The following EFR3A variants were observed in gnomAD, a reference collection of about 807,000 sequenced individuals.
EFR3A encodes protein EFR3 homolog A.
In EFR3A, 76 loss-of-function variants were observed where a neutral mutation model predicts 104.4. The ratio of observed to expected loss-of-function variants is 0.73; its 90% CI spans 0.60 to 0.88. The LOEUF (loss-of-function observed/expected upper bound fraction) is 0.88. Ranked by LOEUF, EFR3A falls within the 40% of genes least tolerant of loss-of-function variation. EFR3A has a pLI of 0.00. For missense variants in EFR3A, 985 were observed against 1,012.5 expected (o/e 0.97, Z 0.37); for synonymous variants, 330 against 330.0 (o/e 1.00, Z 0.00).
intron 1 of EFR3A, among the ~76,000 whole-genome samples, chr8:131,918,966 A>C (rs550839410): frequency 6.6e-6 from 1 of 152,190 alleles, no homozygotes; most frequent in Admixed American, 6.5e-5. Flanking sequence ...GATCCTAGTC[A>C]TTGCCTGTGA....
Position 132,013,481 on chromosome 8 carries a change from T to A in EFR3A, c.*2586T>A, listed in dbSNP as rs770066958. On this transcript the variant is annotated 3_prime_UTR_variant, in exon 23 of 23. Coordinates refer to ENST00000254624, the MANE Select transcript of EFR3A (RefSeq NM_015137.6). ...TGGAACTAATTTGTCTTATTCGTGC[T>A]TATATCTGTATTAAATGCAATAAAG... is the stretch of plus-strand genomic sequence containing the variant. The A allele has an allele frequency of 1.3e-5, 2 of 152,650 alleles. No homozygotes were observed. The highest frequency in any genetic ancestry group is 4.8e-5 in the African/African-American group (2 of 41,448). 9.5% of individuals were successfully genotyped at this position (152,650 alleles called of 1,614,324 possible). A position where few individuals can be genotyped will look rare whatever the true frequency, so the allele number is the denominator to read the frequency against.
chr8:131,940,899 A>G (rs984849663), intron 2 of EFR3A, among the ~76,000 whole-genome samples: 3 of 152,112 alleles, frequency 2.0e-5, no homozygotes, highest in African/African-American at 7.2e-5. Context: ...TATTTAAACT[A>G]AGTGCTCATG....
At chr8:131,913,434 A>G (rs1054458848) in intron 1 of EFR3A, among the ~76,000 whole-genome samples, 1 of 150,762 alleles carries the variant, frequency 6.6e-6, no homozygotes, top group Non-Finnish European at 1.5e-5. Flanking sequence ...TGTGATTCTA[A>G]TTTTTATGGA....
At chr8:131,939,314 G>C (rs1188155608) in intron 1 of EFR3A, among the ~76,000 whole-genome samples, 1 of 152,084 alleles carries the variant, frequency 6.6e-6, no homozygotes, top group Admixed American at 6.6e-5. Context: ...AGATCTGTCT[G>C]TTCCAAAGCC....
At chr8:132,001,076 GTGC>G (rs1821761095) in intron 19 of EFR3A, 1 of 152,180 alleles carries the variant, frequency 6.6e-6, no homozygotes, top group African/African-American at 2.4e-5. Flanking sequence ...TCCTAAGAAT[GTGC>G]TGATGCCATA....
intron 3 of EFR3A, among the ~76,000 whole-genome samples, chr8:131,945,344 A>C (rs1449792497): frequency 6.6e-6 from 1 of 151,966 alleles, no homozygotes; most frequent in African/African-American, 2.4e-5. Flanking sequence ...AAGCATGCTG[A>C]TTTGGAACTG....
chr8:131,984,671 A>G (rs1335888830), intron 15 of EFR3A, among the ~76,000 whole-genome samples: 1 of 152,168 alleles, frequency 6.6e-6, no homozygotes, highest in Non-Finnish European at 1.5e-5. Flanking sequence ...ATGGCCATAT[A>G]TGCATGTCCG....
chr8:132,008,902 G>C (rs28562159), intron 22 of EFR3A, among the ~76,000 whole-genome samples: 1 of 146,436 alleles, frequency 6.8e-6, no homozygotes. Context: ...CTATTGGGCT[G>C]TGATTTACAT....
intron 1 of EFR3A, among the ~76,000 whole-genome samples, chr8:131,913,997 A>T (rs776507368): frequency 2.0e-5 from 3 of 152,224 alleles, no homozygotes; most frequent in Non-Finnish European, 2.9e-5. Flanking sequence ...TCTCCTACGC[A>T]TATTTAGATG....
At chr8:131,975,967 T>G in intron 10 of EFR3A, 60 bp from the exon 11 acceptor site, 2 of 1,041,634 alleles carry the variant, frequency 1.9e-6, no homozygotes, top group Middle Eastern at 2.9e-4. Flanking sequence ...AAAATAATTT[T>G]GTATTATATG....
At chr8:132,002,089 G>A (rs904556448) in intron 20 of EFR3A, among the ~76,000 whole-genome samples, 1 of 152,088 alleles carries the variant, frequency 6.6e-6, no homozygotes, top group Admixed American at 6.5e-5. Flanking sequence ...CAGACCATAC[G>A]TCATCATAAG....
chr8:132,009,858 C>G (rs1199600329), intron 22 of EFR3A, among the ~76,000 whole-genome samples: 2 of 151,692 alleles, frequency 1.3e-5, no homozygotes, highest in African/African-American at 4.8e-5. Context: ...TTTGGTAAGG[C>G]TTTTAAGCAT....
intron 7 of EFR3A, among the ~76,000 whole-genome samples, chr8:131,956,979 A>T (rs1412631226): frequency 2.2e-4 from 34 of 152,148 alleles, no homozygotes; most frequent in Admixed American, 1.4e-3. Context: ...AAGGCCTTAA[A>T]AATCTAGAGA....
chr8:131,930,919 C>A (rs1178061981), intron 1 of EFR3A, among the ~76,000 whole-genome samples: 1 of 152,128 alleles, frequency 6.6e-6, no homozygotes. Context: ...TATAACTTAT[C>A]TATTGCATAA....
Position 131,940,783 on chromosome 8 carries a change from C to T in EFR3A, c.87+208C>T, listed in dbSNP as rs999210002. ...TCAGATCCTTTTAGTAGATTAGGCA[C>T]AAATCTAGAAAAATGGACAGTTGAT... On this transcript the variant is annotated intron_variant, in intron 2 of 22. Transcript: ENST00000254624. 1.4e-4 allele frequency: 107 copies of T among 764,122 alleles called. No homozygotes were observed. The Middle Eastern group carries it at 2.7e-3, about 19-fold the overall frequency. 47.3% of individuals were successfully genotyped at this position (764,122 alleles called of 1,614,324 possible). A position where few individuals can be genotyped will look rare whatever the true frequency, so the allele number is the denominator to read the frequency against.
intron 18 of EFR3A, among the ~76,000 whole-genome samples, chr8:131,988,087 C>T (rs186684399): frequency 4.6e-5 from 7 of 151,960 alleles, no homozygotes; most frequent in Admixed American, 2.0e-4. Context: ...AGGCAACTTT[C>T]GTTATTTGAA....
intron 19 of EFR3A, among the ~76,000 whole-genome samples, chr8:131,999,661 A>G (rs910860783): frequency 2.0e-5 from 3 of 152,150 alleles, no homozygotes; most frequent in African/African-American, 7.2e-5. Context: ...GGTATATAAA[A>G]ATATGAATCA....
chr8:131,999,133 A>G (rs1418276508), intron 19 of EFR3A, among the ~76,000 whole-genome samples: 1 of 152,116 alleles, frequency 6.6e-6, no homozygotes, highest in African/African-American at 2.4e-5. Context: ...ATTTAAGGGC[A>G]TGGGCAGGAT....
At chr8:131,978,105 G>C (rs893456923) in intron 12 of EFR3A, among the ~76,000 whole-genome samples, 1 of 152,042 alleles carries the variant, frequency 6.6e-6, no homozygotes, top group East Asian at 1.9e-4. Context: ...TAAATGTTAA[G>C]TATTCCATAC....
Sources: allele counts gnomAD v4.1 joint callset (sites outside exome capture counted in the v4.1 genomes callset), GRCh38; gene constraint gnomAD v4.1.1; transcripts MANE v1.5; gene names NCBI Gene and HGNC (gene_info 2026-07-23, HGNC 2026-07-21).